ATF7: variants seen among roughly 807,000 people sequenced by gnomAD.
ATF7 encodes the protein cyclic AMP-dependent transcription factor ATF-7.
A neutral mutation model predicts 50.4 loss-of-function variants in ATF7; 10 were observed. That is an observed-to-expected ratio of 0.20 (90% confidence interval 0.12 to 0.34). The LOEUF is 0.34. Among genes scored for constraint, ATF7 ranks in the 10% least tolerant of loss-of-function variants. The probability of loss-of-function intolerance (pLI) is 1.00; values close to 1 mark genes in which losing one functional copy is unlikely to be tolerated. For synonymous variants in ATF7, 201 were observed against 226.4 expected, an observed-to-expected ratio of 0.89 and a Z score of 1.01; for missense variants, 465 against 613.9, an observed-to-expected ratio of 0.76 and a Z score of 2.56.
intron 1 of ATF7, among the ~76,000 whole-genome samples, chr12:53,615,606 G>A (rs1944088138): frequency 6.6e-6 from 1 of 152,106 alleles, no homozygotes; most frequent in South Asian, 2.1e-4. Flanking sequence ...GGATGCGATG[G>A]CTCACACCAG....
intron 9 of ATF7, among the ~76,000 whole-genome samples, chr12:53,527,780 A>G (rs952568002): frequency 6.6e-6 from 1 of 152,098 alleles, no homozygotes; most frequent in Non-Finnish European, 1.5e-5. Flanking sequence ...GACAAAAAAA[A>G]AAGAATCTTG....
At chr12:53,552,018 G>A (rs1443168430) in intron 3 of ATF7, among the ~76,000 whole-genome samples, 1 of 152,182 alleles carries the variant, frequency 6.6e-6, no homozygotes, top group Non-Finnish European at 1.5e-5. Flanking sequence ...GCTTAGAAAA[G>A]TCCCACTGAC....
At chr12:53,571,375 T>C (rs551053976) in intron 2 of ATF7, among the ~76,000 whole-genome samples, 1 of 152,198 alleles carries the variant, frequency 6.6e-6, no homozygotes, top group South Asian at 2.1e-4. Flanking sequence ...CTAATATACA[T>C]ATTATCTTTT....
At chr12:53,543,783 A>G (rs1470810106) in intron 3 of ATF7, 1 of 240,722 alleles carries the variant, frequency 4.2e-6, no homozygotes, top group East Asian at 8.8e-5. Context: ...AGTTTTGTGA[A>G]ACCTCTAGAT....
chr12:53,533,611 C>T (rs1362100817), intron 6 of ATF7, among the ~76,000 whole-genome samples: 1 of 152,214 alleles, frequency 6.6e-6, no homozygotes, highest in Non-Finnish European at 1.5e-5. Flanking sequence ...AGTTAGGTCA[C>T]ATGATGGCCA....
chr12:53,534,003 C>T (rs1214654115), intron 6 of ATF7, among the ~76,000 whole-genome samples: 1 of 152,238 alleles, frequency 6.6e-6, no homozygotes, highest in Non-Finnish European at 1.5e-5. Context: ...CCCGGCTGGG[C>T]ACGGTGGCTC....
intron 2 of ATF7, among the ~76,000 whole-genome samples, chr12:53,581,061 A>G (rs946004602): frequency 6.6e-6 from 1 of 151,892 alleles, no homozygotes; most frequent in Admixed American, 6.6e-5. Flanking sequence ...GCAGTGAGCC[A>G]AGATTGTGCC....
intron 1 of ATF7, among the ~76,000 whole-genome samples, chr12:53,618,628 C>T (rs1463465641): frequency 1.3e-5 from 2 of 152,188 alleles, no homozygotes; most frequent in African/African-American, 4.8e-5. Flanking sequence ...TCATTTGTAG[C>T]ACCCTTCACC....
chr12:53,523,134 G>A (rs1421998127), intron 11 of ATF7, 142 bp downstream of exon 11: 1 of 616,280 alleles, frequency 1.6e-6, no homozygotes, highest in Non-Finnish European at 2.9e-6. Flanking sequence ...TCTAGGTCTG[G>A]TTGCTCCACA....
intron 2 of ATF7, among the ~76,000 whole-genome samples, chr12:53,562,181 A>G (rs11170599): frequency 0.17 from 26,564 of 152,238 alleles, 2,963 homozygotes; most frequent in East Asian, 0.56. Flanking sequence ...TGCTGCTACA[A>G]TGTAAGCTCC....
At chr12:53,601,585 A>G (rs1943407601) in intron 1 of ATF7, among the ~76,000 whole-genome samples, 2 of 152,202 alleles carry the variant, frequency 1.3e-5, no homozygotes, top group Admixed American at 1.3e-4. Flanking sequence ...TCATTAATAA[A>G]AAAATAAAAA....
chr12:53,519,018 C>A (rs1937919325), intron 11 of ATF7, among the ~76,000 whole-genome samples: 1 of 149,992 alleles, frequency 6.7e-6, no homozygotes, highest in African/African-American at 2.5e-5. Flanking sequence ...TGTGCCACTG[C>A]ACTCCAGCCT....
intron 1 of ATF7, among the ~76,000 whole-genome samples, chr12:53,602,409 G>C (rs1943441788): frequency 6.6e-6 from 1 of 152,182 alleles, no homozygotes; most frequent in African/African-American, 2.4e-5. Context: ...GGGTAGCTAG[G>C]TAACATCTCT....
chr12:53,616,666 G>C (rs1944131849), intron 1 of ATF7, among the ~76,000 whole-genome samples: 1 of 152,124 alleles, frequency 6.6e-6, no homozygotes, highest in Admixed American at 6.5e-5. Context: ...GGCGTGGCCG[G>C]GTGCGGTGGC....
At chr12:53,616,542 T>C (rs1437961751) in intron 1 of ATF7, among the ~76,000 whole-genome samples, 1 of 152,060 alleles carries the variant, frequency 6.6e-6, no homozygotes, top group Non-Finnish European at 1.5e-5. Flanking sequence ...TAGACTTTCA[T>C]GATATTTATT....
intron 6 of ATF7, 99 bp from the exon 7 acceptor site, chr12:53,533,358 G>A: frequency 3.1e-6 from 3 of 958,028 alleles, no homozygotes; most frequent in South Asian, 1.5e-5. Context: ...CTCTAGTTAG[G>A]GAAGGTATAG....
intron 2 of ATF7, among the ~76,000 whole-genome samples, chr12:53,579,263 A>G (rs1022765436): frequency 1.3e-5 from 2 of 150,852 alleles, no homozygotes; most frequent in Non-Finnish European, 2.9e-5. Flanking sequence ...GGCCGGGTGC[A>G]GTGGCTCACG....
intron 2 of ATF7, among the ~76,000 whole-genome samples, chr12:53,571,712 A>G (rs1226203769): frequency 7.2e-5 from 11 of 151,872 alleles, no homozygotes; most frequent in Admixed American, 7.2e-4. Flanking sequence ...GAAACTACAG[A>G]GTACATCACA....
chr12:53,526,694 T>C (rs1282995896), intron 9 of ATF7, among the ~76,000 whole-genome samples: 1 of 149,472 alleles, frequency 6.7e-6, no homozygotes, highest in Admixed American at 6.7e-5. Flanking sequence ...CTACTAAAAA[T>C]ACAAAAATTA....
Sources: gnomAD v4.1 joint callset for allele counts (sites outside exome capture counted in the v4.1 genomes callset) on GRCh38, gnomAD v4.1.1 for gene constraint, MANE v1.5 for transcripts, NCBI Gene and HGNC (gene_info 2026-07-23, HGNC 2026-07-21) for gene names.